Variants in CYP3A5 observed in about 807,000 individuals in gnomAD.
CYP3A5 encodes cytochrome P450 family 3 subfamily A member 5, also known as cytochrome P450 3A5.
A neutral mutation model predicts 55.9 loss-of-function variants in CYP3A5; 51 were observed. The ratio of observed to expected loss-of-function variants is 0.91; its 90% CI spans 0.73 to 1.15. The LOEUF (loss-of-function observed/expected upper bound fraction) is 1.15, where lower values mean the gene tolerates loss of function less well. Ranked by LOEUF, CYP3A5 falls within the 50% of genes most tolerant of loss-of-function variation. The pLI, the probability that CYP3A5 is intolerant of heterozygous loss-of-function variation, is 0.00. For synonymous variants in CYP3A5, 196 were observed against 213.9 expected, an observed-to-expected ratio of 0.92 and a Z score of 0.73; for missense variants, 533 against 596.6, an observed-to-expected ratio of 0.89 and a Z score of 1.11.
Position 99,667,012 on chromosome 7 carries a change from T to C in CYP3A5, c.372A>G (p.Glu124=). The C allele has an allele frequency of 6.2e-7, 1 of 1,614,170 alleles. No individual in the cohort carries two copies. Among genetic ancestry groups the C allele is most frequent in the Non-Finnish European group, 8.5e-7 (1 of 1,180,000 alleles). The change falls in exon 5 of 13, where the codon GAA becomes GAG. Residue 124 remains glutamate (E), a synonymous_variant. Coordinates refer to ENST00000222982, the MANE Select transcript of CYP3A5 (RefSeq NM_000777.5). The stretch of plus-strand genomic sequence containing the variant: ...GCAATGACCGTATTCTCTTCCATTC[T>C]TCATCCTCAGCTAAAGAGATGGCAC... ...MKSAISLAED[E]EWKRIRSLLS...
At chr7:99,679,197 AG>A (rs1291687527) in intron 1 of CYP3A5, among the ~76,000 whole-genome samples, 1 of 152,158 alleles carries the variant, frequency 6.6e-6, no homozygotes, top group Non-Finnish European at 1.5e-5. Context: ...TGTGTATGAC[AG>A]GGTGGAGGAG....
intron 1 of CYP3A5, 35 bp from the exon 2 acceptor site, chr7:99,676,243 T>G (rs1812272095): frequency 1.2e-6 from 2 of 1,612,036 alleles, no homozygotes; most frequent in African/African-American, 2.7e-5. Flanking sequence ...TCACAGGGAT[T>G]GTGACTTTAT....
chr7:99,665,104 G>A, intron 7 of CYP3A5, 62 bp downstream of exon 7: 1 of 1,357,724 alleles, frequency 7.4e-7, no homozygotes, highest in Middle Eastern at 1.9e-4. Flanking sequence ...TACGATATGT[G>A]AATTATATGT....
intron 10 of CYP3A5, chr7:99,658,816 CT>C (rs1237049314): frequency 3.3e-5 from 5 of 152,158 alleles, no homozygotes; most frequent in Non-Finnish European, 1.5e-5. Flanking sequence ...TCTCTTCTTT[CT>C]TCATTTCATT....
At chr7:99,657,390 G>T (rs988637548) in intron 10 of CYP3A5, among the ~76,000 whole-genome samples, 6 of 152,216 alleles carry the variant, frequency 3.9e-5, no homozygotes, top group Non-Finnish European at 5.9e-5. Flanking sequence ...TAGTTGAGCG[G>T]TTTTGAGTGA....
intron 2 of CYP3A5, among the ~76,000 whole-genome samples, chr7:99,675,622 CTTTTCTCT>C (rs1812152941): frequency 8.4e-6 from 1 of 118,544 alleles, no homozygotes. Context: ...CTCTCCTCTC[CTTTTCTCT>C]CCTCTCCTCT....
intron 4 of CYP3A5, among the ~76,000 whole-genome samples, chr7:99,668,888 G>A (rs1811302032): frequency 6.6e-6 from 1 of 152,146 alleles, no homozygotes; most frequent in Non-Finnish European, 1.5e-5. Flanking sequence ...AGGTGTGTTT[G>A]TGGCAATTTG....
At chr7:99,669,757 A>G (rs1244461052) in intron 4 of CYP3A5, among the ~76,000 whole-genome samples, 1 of 152,248 alleles carries the variant, frequency 6.6e-6, no homozygotes, top group African/African-American at 2.4e-5. Context: ...CTATTAAAAG[A>G]CACAACTAAA....
In CYP3A5 at chr7:99,666,787, G is replaced by T. The variant is rs1811066925; in HGVS notation, c.433-98C>A. ...AGCATGGAGCAGTAAGTGACATTTT[G>T]TAATGAATTTTGTGATGTCTTTTCT... On this transcript the variant is annotated intron_variant, in intron 5 of 12. Coordinates refer to ENST00000222982, the MANE Select transcript of CYP3A5 (RefSeq NM_000777.5). The T allele has an allele frequency of 3.8e-6, 6 of 1,599,418 alleles. No homozygotes were observed. In the Admixed American group the frequency reaches 1.0e-4, roughly 27 times the overall value.
chr7:99,658,577 G>A (rs1214508161), intron 10 of CYP3A5, among the ~76,000 whole-genome samples: 6 of 152,114 alleles, frequency 3.9e-5, no homozygotes, highest in South Asian at 2.1e-4. Flanking sequence ...TGCTCTTCTC[G>A]AGGAGTATCT....
chr7:99,663,064 G>C, intron 8 of CYP3A5, 182 bp from the exon 9 acceptor site: 1 of 1,333,826 alleles, frequency 7.5e-7, no homozygotes, highest in Non-Finnish European at 9.6e-7. Context: ...TTGGAAAGCA[G>C]GATGTTTTCC....
intron 3 of CYP3A5, chr7:99,674,308 T>C (rs1584471278): frequency 2.4e-6 from 1 of 411,156 alleles, no homozygotes; most frequent in Non-Finnish European, 4.3e-6. Context: ...CATCTTTGTC[T>C]TGTTTACCTC....
intron 4 of CYP3A5, chr7:99,671,176 G>C (rs1811585220): frequency 6.6e-6 from 1 of 152,394 alleles, no homozygotes; most frequent in African/African-American, 2.5e-5. Flanking sequence ...TTTTATGTGT[G>C]GCCCACGACA....
intron 4 of CYP3A5, among the ~76,000 whole-genome samples, chr7:99,667,314 C>T (rs1362977175): frequency 6.6e-6 from 1 of 152,204 alleles, no homozygotes; most frequent in Non-Finnish European, 1.5e-5. Context: ...ATCTCAGTCT[C>T]CTTTTAATTG....
intron 1 of CYP3A5, among the ~76,000 whole-genome samples, chr7:99,679,554 A>G (rs966601964): frequency 6.6e-6 from 1 of 152,192 alleles, no homozygotes; most frequent in Non-Finnish European, 1.5e-5. Context: ...AGTCTTCGTC[A>G]GATCTAAGCT....
chr7:99,664,577 A>T (rs1810789629), intron 7 of CYP3A5, among the ~76,000 whole-genome samples: 1 of 152,224 alleles, frequency 6.6e-6, no homozygotes, highest in Admixed American at 6.5e-5. Context: ...GTTTTAAGTG[A>T]CCAGTGAGTC....
intron 9 of CYP3A5, among the ~76,000 whole-genome samples, chr7:99,661,859 C>T (rs996543769): frequency 1.3e-5 from 2 of 152,180 alleles, no homozygotes; most frequent in African/African-American, 2.4e-5. Flanking sequence ...TAGCCACTAT[C>T]CACATGTGGC....
At position 99,664,003 on chromosome 7, in the gene CYP3A5, T is replaced by C. The variant is rs754813442; in HGVS notation, c.763A>G (p.Arg255Gly). ...TCGTTGAGGCGACTTTTCTTCATTCTGTTTACAGATTTACTTAAAAAATTT... is the reference window on the plus strand; with the variant it reads ...TCGTTGAGGCGACTTTTCTTCATTCCGTTTACAGATTTACTTAAAAAATTT... ...TINFLSKSVN[R>G]MKKSRLNDKQ... Residue 255 changes from arginine to glycine, a missense_variant, in exon 8 of 13, where the codon AGA becomes GGA. Physicochemically the swap from Arg to Gly is moderately radical, Grantham distance 125 (BLOSUM62 -2). Coordinates refer to ENST00000222982, the MANE Select transcript of CYP3A5 (RefSeq NM_000777.5). 2 of 1,594,362 alleles carry C rather than the reference T, an allele frequency of 1.3e-6. No homozygotes were observed. Among genetic ancestry groups the C allele is most frequent in the Non-Finnish European group, 1.7e-6 (2 of 1,175,592 alleles).
rs548603138 is a variant in CYP3A5 at position 99,662,502 on chromosome 7, G to A, written c.865+314C>T. Among the ~76,000 whole-genome samples the A allele has an allele frequency of 1.3e-5, 2 of 152,286 alleles. No homozygotes were observed. The highest frequency in any genetic ancestry group is 1.3e-4 in the Admixed American group (2 of 15,306). ...CGGTATGTTTGATATAAATTTCCAAGTAGAGGTTCTCACTTGGTGGATCTG... is the reference window on the plus strand; with the variant it reads ...CGGTATGTTTGATATAAATTTCCAAATAGAGGTTCTCACTTGGTGGATCTG... On this transcript the variant is annotated intron_variant, in intron 9 of 12. Transcript: ENST00000222982. The surrounding 1 kb of genome is among the most constrained non-coding windows in gnomAD (Gnocchi z 4.3).
Sources: gnomAD v4.1 joint callset for allele counts (sites outside exome capture counted in the v4.1 genomes callset) on GRCh38, gnomAD v4.1.1 for gene constraint, Gnocchi (gnomAD v3.1) non-coding constraint, MANE v1.5 for transcripts, NCBI Gene and HGNC (gene_info 2026-07-23, HGNC 2026-07-21) for gene names.